Variants in UGT2B15 observed in about 807,000 individuals in gnomAD.
The protein encoded by UGT2B15 is UDP glucuronosyltransferase family 2 member B15, also known as UDP-glucuronosyltransferase 2B15.
In UGT2B15, 36 loss-of-function variants were observed where a neutral mutation model predicts 45.9. That is an observed-to-expected ratio of 0.78 (90% CI 0.60 to 1.04). UGT2B15 has a LOEUF of 1.04. Among genes scored for constraint, UGT2B15 ranks in the 50% least tolerant of loss-of-function variants. The pLI, the probability that UGT2B15 is intolerant of heterozygous loss-of-function variation, is 0.00. For synonymous variants in UGT2B15, 219 were observed against 216.4 expected, an observed-to-expected ratio of 1.01 and a Z score of -0.11; for missense variants, 617 against 622.4, an observed-to-expected ratio of 0.99 and a Z score of 0.09.
At chr4:68,654,361 C>T (rs559457432) in intron 4 of UGT2B15, 105 bp from the exon 5 acceptor site, 44 of 1,075,964 alleles carry the variant, frequency 4.1e-5, no homozygotes, top group Admixed American at 5.3e-5. Context: ...CCCTAGGTAA[C>T]ATTATACCCA....
chr4:68,646,791 C>T lies in UGT2B15; in HGVS notation c.*313G>A. On this transcript the variant is annotated 3_prime_UTR_variant, in exon 6 of 6. Transcript: ENST00000338206. ...TTTTAGGGTACATGTGCACAACGTG[C>T]AGGTTAGCTACATATGTATACATGT... is the stretch of plus-strand genomic sequence containing the variant. The T allele has an allele frequency of 4.6e-6, 1 of 218,950 alleles. No homozygotes were observed. The highest frequency in any genetic ancestry group is 9.0e-6 in the Non-Finnish European group (1 of 111,474). The allele number at this position is 218,950 out of a possible 1,614,324, so 13.6% of individuals were successfully genotyped here.
chr4:68,667,918 G>T lies in UGT2B15; in HGVS notation c.873+122C>A. On this transcript the variant is annotated intron_variant, in intron 2 of 5. Coordinates refer to ENST00000338206, the MANE Select transcript of UGT2B15 (RefSeq NM_001076.4). ...TACAGAAATATATGATTTTCTAATG[G>T]CAAGTCCTTGTTTTTGACCTCCCAT... 2.8e-6 allele frequency: 4 copies of T among 1,444,226 alleles called. No homozygotes were observed. The South Asian group carries it at 4.2e-5, about 15-fold the overall frequency. 89.5% of individuals were successfully genotyped at this position (1,444,226 alleles called of 1,614,324 possible).
At position 68,655,062 on chromosome 4, in the gene UGT2B15, A is replaced by C. The variant is rs751816129; in HGVS notation, c.1093+33T>G. On this transcript the variant is annotated intron_variant, in intron 4 of 5. Transcript: ENST00000338206. ...ATTATCACTCCAATTTGCTGTTACT[A>C]ATATATTCACTGTTTGTTCTCCAGA... The C allele has an allele frequency of 4.4e-6, 7 of 1,600,916 alleles. No individual in the cohort carries two copies. The South Asian group carries it at 7.7e-5, about 18-fold the overall frequency.
intron 1 of UGT2B15, among the ~76,000 whole-genome samples, chr4:68,669,074 G>T (rs1474992053): frequency 6.6e-6 from 1 of 151,502 alleles, no homozygotes; most frequent in African/African-American, 2.4e-5. Context: ...TGAGTTTTTT[G>T]AGCTCAACAC....
At chr4:68,658,226 G>T (rs1961062) in intron 3 of UGT2B15, among the ~76,000 whole-genome samples, 3 of 151,936 alleles carry the variant, frequency 2.0e-5, no homozygotes, top group Non-Finnish European at 2.9e-5. Flanking sequence ...TTTGTACACA[G>T]TGTTTTATTA....
chr4:68,663,598 A>G (rs1733027697), intron 2 of UGT2B15, among the ~76,000 whole-genome samples: 1 of 151,932 alleles, frequency 6.6e-6, no homozygotes, highest in Non-Finnish European at 1.5e-5. Context: ...TCTTTTAGTT[A>G]GGAGTCATTG....
chr4:68,652,733 A>G (rs574102175), intron 5 of UGT2B15, among the ~76,000 whole-genome samples: 8 of 150,220 alleles, frequency 5.3e-5, no homozygotes, highest in African/African-American at 1.9e-4. Context: ...AAAAAAATCT[A>G]TCTGTCCATA....
In UGT2B15 at chr4:68,656,047, G is replaced by T. The variant is rs932698601; in HGVS notation, c.1006-865C>A. 3.3e-5 allele frequency among the ~76,000 whole-genome samples: 5 copies of T among 152,178 alleles called. No individual in the cohort carries two copies. In the South Asian group the frequency reaches 1.0e-3, roughly 32 times the overall value. ...GAGGTCTGGGAGCAACCCCTCCAGA[G>T]AATCTCTGATACCCCAAAATTCAGA... On this transcript the variant is annotated intron_variant, in intron 3 of 5. Coordinates refer to ENST00000338206, the MANE Select transcript of UGT2B15 (RefSeq NM_001076.4).
intron 5 of UGT2B15, among the ~76,000 whole-genome samples, chr4:68,649,694 A>G (rs1365846044): frequency 6.6e-6 from 1 of 152,148 alleles, no homozygotes; most frequent in Non-Finnish European, 1.5e-5. Flanking sequence ...ACACACATAT[A>G]TAACACATAG....
chr4:68,647,268 G>T lies in UGT2B15; in HGVS notation c.1429C>A (p.Leu477Ile), dbSNP rs761675749. 1 of 1,613,966 alleles carries T rather than the reference G, an allele frequency of 6.2e-7. No homozygotes were observed. The highest frequency in any genetic ancestry group is 1.1e-5 in the South Asian group (1 of 91,072). Reference protein sequence around the residue: ...FVMRHKGAKHLRVAAHNLTWI... With the variant: ...FVMRHKGAKHIRVAAHNLTWI... ...GTGAGGTTGTGAGCTGCGACTCGAA[G>T]GTGCTTGGCTCCTTTGTGGCGCATG... The change falls in exon 6 of 6, where the codon CTT becomes ATT. Residue 477 changes from leucine to isoleucine, a missense_variant. Leu to Ile is a conservative substitution (Grantham distance 5). Transcript: ENST00000338206.
Position 68,647,259 on chromosome 4 carries a change from C to T in UGT2B15, c.1438G>A (p.Ala480Thr), listed in dbSNP as rs146368165. Residue 480 changes from alanine (A) to threonine (T), a missense_variant, in exon 6 of 6, where the codon GCA becomes ACA. By Grantham distance (58) the Ala-to-Thr change is moderately conservative (BLOSUM62 0). Transcript: ENST00000338206. ...RHKGAKHLRV[A>T]AHNLTWIQYH... ...TGGATCCAGGTGAGGTTGTGAGCTG[C>T]GACTCGAAGGTGCTTGGCTCCTTTG... 168 of 1,613,964 alleles carry T rather than the reference C, an allele frequency of 1.0e-4. 1 individual carries two copies. The highest frequency in any genetic ancestry group is 6.5e-4 in the African/African-American group (49 of 74,982).
At chr4:68,663,933 C>G (rs1318623637) in intron 2 of UGT2B15, among the ~76,000 whole-genome samples, 1 of 152,010 alleles carries the variant, frequency 6.6e-6, no homozygotes, top group Non-Finnish European at 1.5e-5. Context: ...TTTCTCAGGT[C>G]ATTGCTTAGG....
intron 5 of UGT2B15, among the ~76,000 whole-genome samples, chr4:68,652,273 T>G (rs1380356287): frequency 6.6e-6 from 1 of 152,192 alleles, no homozygotes; most frequent in African/African-American, 2.4e-5. Context: ...TTAAGGAATT[T>G]TGGAGCTGCG....
intron 1 of UGT2B15, among the ~76,000 whole-genome samples, chr4:68,669,125 A>G (rs1308549038): frequency 6.6e-6 from 1 of 151,950 alleles, no homozygotes. Context: ...TCATCTTAAG[A>G]TCTTAATATA....
At chr4:68,664,578 T>A (rs1366351229) in intron 2 of UGT2B15, among the ~76,000 whole-genome samples, 1 of 152,008 alleles carries the variant, frequency 6.6e-6, no homozygotes, top group African/African-American at 2.4e-5. Flanking sequence ...CATCTTTTTT[T>A]TTTTTCCAGA....
intron 1 of UGT2B15, 106 bp downstream of exon 1, chr4:68,669,789 A>G (rs1336566185): frequency 1.4e-6 from 2 of 1,440,586 alleles, no homozygotes; most frequent in Non-Finnish European, 1.9e-6. Flanking sequence ...GCAATTCATA[A>G]TTTCCCTTAA....
intron 3 of UGT2B15, among the ~76,000 whole-genome samples, chr4:68,657,332 G>A (rs1180959209): frequency 6.6e-6 from 1 of 152,100 alleles, no homozygotes; most frequent in African/African-American, 2.4e-5. Context: ...AAACACATAT[G>A]AGGGCAGATC....
rs1733080659 is a variant in UGT2B15 at position 68,665,059 on chromosome 4, A to G, written c.874-1920T>C. On this transcript the variant is annotated intron_variant, in intron 2 of 5. Transcript: ENST00000338206. ...TAATAAAACATCTATTTATAGACAG[A>G]TCAGCACTGATCTCATTCTGTGATG... 2.0e-5 allele frequency among the ~76,000 whole-genome samples: 3 copies of G among 152,184 alleles called. No homozygotes were observed. The South Asian group carries it at 6.2e-4, about 31-fold the overall frequency.
intron 5 of UGT2B15, among the ~76,000 whole-genome samples, chr4:68,649,273 CT>C (rs71218976): frequency 9.9e-4 from 92 of 93,254 alleles, no homozygotes; most frequent in African/African-American, 3.3e-3. Flanking sequence ...TTCATATAAT[CT>C]TTTTTTTTTT....
Sources: gnomAD v4.1 joint callset for allele counts (sites outside exome capture counted in the v4.1 genomes callset) on GRCh38, gnomAD v4.1.1 for gene constraint, MANE v1.5 for transcripts, NCBI Gene and HGNC (gene_info 2026-07-23, HGNC 2026-07-21) for gene names.